The following H2BC4 variants were observed in gnomAD, a reference collection of about 807,000 sequenced individuals.
H2BC4 encodes H2B clustered histone 4.
Under a neutral mutation model 6.2 loss-of-function variants are expected in H2BC4, and 10 were observed. The observed-to-expected ratio is 1.61, with a 90% CI of 0.99 to 2.73. H2BC4 has a LOEUF of 2.73. Ranked by LOEUF, H2BC4 falls within the 30% of genes most tolerant of loss-of-function variation. H2BC4 has a pLI of 0.00. For missense variants in H2BC4, 176 were observed against 168.7 expected (o/e 1.04, Z -0.24); for synonymous variants, 146 against 70.7 (o/e 2.07, Z -5.35).
At chr6:26,118,050 C>T (rs1408562581) in intron 1 of H2BC4, among the ~76,000 whole-genome samples, 1 of 152,210 alleles carries the variant, frequency 6.6e-6, no homozygotes, top group Non-Finnish European at 1.5e-5. Context: ...CGATTTCTGG[C>T]ACCAGAGTTT....
At chr6:26,120,535 C>CA (rs1480862170), downstream of H2BC4, among the ~76,000 whole-genome samples, 1 of 151,354 alleles carries the variant, frequency 6.6e-6, no homozygotes, top group Non-Finnish European at 1.5e-5. Flanking sequence ...TGGGTAAAAA[C>CA]AGAGCCATAG....
chr6:26,123,360 T>C, downstream of H2BC4: 1 of 1,257,122 alleles, frequency 8.0e-7, no homozygotes, highest in Non-Finnish European at 1.1e-6. Flanking sequence ...TTTGTCCCTC[T>C]CTAAGCTGCA....
downstream of H2BC4, among the ~76,000 whole-genome samples, chr6:26,113,492 A>G (rs548268506): frequency 3.9e-5 from 6 of 152,300 alleles, no homozygotes; most frequent in South Asian, 1.0e-3. Flanking sequence ...GTGGCTATCT[A>G]CATGTGGAGT....
downstream of H2BC4, among the ~76,000 whole-genome samples, chr6:26,119,960 CAGTT>C (rs2113796177): frequency 6.6e-6 from 1 of 152,074 alleles, no homozygotes; most frequent in East Asian, 1.9e-4. Context: ...ATGAAACTCA[CAGTT>C]AAACTTTTTT....
chr6:26,118,438 T>G (rs1313336346), intron 1 of H2BC4, among the ~76,000 whole-genome samples: 1 of 152,216 alleles, frequency 6.6e-6, no homozygotes, highest in Non-Finnish European at 1.5e-5. Flanking sequence ...ATATTCTTAT[T>G]TAGGAACTTT....
rs1195538052 is a variant in H2BC4, at chr6:26,116,059, T to TATTTCTC, written c.*10-931_*10-925dup. ...AAAAGTGAAAACAAAAGTTTATTCA[T>TATTTCTC]ATTTCTCTTGAATCCAATTCTTTTA... On this transcript the variant is annotated intron_variant, in intron 1 of 1. Transcript: ENST00000314332. Among the ~76,000 whole-genome samples, 3 of 152,158 alleles carry TATTTCTC rather than the reference T, an allele frequency of 2.0e-5. No individual in the cohort carries two copies. In the East Asian group the frequency reaches 5.8e-4, roughly 29 times the overall value.
At chr6:26,119,032 G>A (rs890120364), downstream of H2BC4, among the ~76,000 whole-genome samples, 4 of 151,840 alleles carry the variant, frequency 2.6e-5, no homozygotes, top group Non-Finnish European at 5.9e-5. Context: ...TTTTAAATAA[G>A]TAAAGGCTCA....
At chr6:26,123,460 G>A (rs1197897020), downstream of H2BC4, 2 of 1,591,124 alleles carry the variant, frequency 1.3e-6, no homozygotes, top group African/African-American at 1.4e-5. Context: ...CTCTTTTAGT[G>A]GGTATCTGGG....
downstream of H2BC4, among the ~76,000 whole-genome samples, chr6:26,122,581 C>T (rs1006487303): frequency 2.6e-5 from 4 of 152,162 alleles, no homozygotes; most frequent in African/African-American, 7.2e-5. Context: ...AGTTTAATGA[C>T]GTCTCCTCTT....
intron 1 of H2BC4, among the ~76,000 whole-genome samples, chr6:26,117,046 A>C (rs1399872043): frequency 6.6e-6 from 1 of 152,190 alleles, no homozygotes. Flanking sequence ...TTTAAGAGAA[A>C]TGATAGTTAT....
At chr6:26,120,241 C>G (rs557159319), downstream of H2BC4, among the ~76,000 whole-genome samples, 1 of 151,996 alleles carries the variant, frequency 6.6e-6, no homozygotes, top group African/African-American at 2.4e-5. Context: ...GGTGGATCAC[C>G]TGAGTTCGAG....
downstream of H2BC4, among the ~76,000 whole-genome samples, chr6:26,122,642 C>T (rs1763517265): frequency 6.6e-6 from 1 of 152,138 alleles, no homozygotes; most frequent in Admixed American, 6.5e-5. Flanking sequence ...GTTCAGTGTT[C>T]GAAGGCTTGT....
chr6:26,119,501 A>G (rs1763470965), downstream of H2BC4, among the ~76,000 whole-genome samples: 1 of 152,168 alleles, frequency 6.6e-6, no homozygotes, highest in Admixed American at 6.5e-5. Flanking sequence ...AAGCTCACAC[A>G]TTGAATCCTT....
At chr6:26,116,679 G>T (rs1447110795) in intron 1 of H2BC4, among the ~76,000 whole-genome samples, 1 of 152,138 alleles carries the variant, frequency 6.6e-6, no homozygotes. Flanking sequence ...CAGCCTGGCA[G>T]CCTGGGCAAC....
rs748922417 is a variant in H2BC4 at position 26,123,683 on chromosome 6, G to A, written c.222C>T (p.Ile74=). Residue 74 remains isoleucine (I), a synonymous_variant, in exon 1 of 1, where the codon ATC becomes ATT. Coordinates refer to ENST00000396984, the MANE Select transcript of H2BC4 (RefSeq NM_003526.3). ...NSFVNDIFER[I]AGEASRLAHY... is the part of the protein sequence containing the mutation. Reference sequence around the variant, plus strand: ...GCGCCAGGCGGGAAGCCTCGCCCGCGATGCGCTCAAATATGTCGTTAACGA... The same window carrying A: ...GCGCCAGGCGGGAAGCCTCGCCCGCAATGCGCTCAAATATGTCGTTAACGA... 5.6e-6 allele frequency: 9 copies of A among 1,614,252 alleles called. No homozygotes were observed. The highest frequency in any genetic ancestry group is 5.5e-5 in the South Asian group (5 of 91,088).
downstream of H2BC4, among the ~76,000 whole-genome samples, chr6:26,119,424 AATTT>A (rs1306648353): frequency 6.6e-6 from 1 of 152,200 alleles, no homozygotes; most frequent in Non-Finnish European, 1.5e-5. Context: ...ATTGAGAATT[AATTT>A]ACTCAATTTA....
chr6:26,117,350 C>T (rs1461524545), intron 1 of H2BC4, among the ~76,000 whole-genome samples: 1 of 152,158 alleles, frequency 6.6e-6, no homozygotes, highest in Non-Finnish European at 1.5e-5. Flanking sequence ...TTAATCTTCA[C>T]ATACTTCTAG....
At chr6:26,120,190 C>T (rs987979082), downstream of H2BC4, among the ~76,000 whole-genome samples, 12 of 152,078 alleles carry the variant, frequency 7.9e-5, no homozygotes, top group African/African-American at 2.2e-4. Flanking sequence ...TTTCTGGGCA[C>T]GGTGGCTCAC....
intron 1 of H2BC4, among the ~76,000 whole-genome samples, chr6:26,118,306 G>A (rs543065909): frequency 5.4e-4 from 81 of 150,360 alleles, no homozygotes; most frequent in African/African-American, 1.9e-3. Flanking sequence ...TAGATGAATA[G>A]GTCTCAAAGA....
Sources: gnomAD v4.1 joint callset for allele counts (sites outside exome capture counted in the v4.1 genomes callset) on GRCh38, gnomAD v4.1.1 for gene constraint, MANE v1.5 for transcripts, NCBI Gene and HGNC (gene_info 2026-07-23, HGNC 2026-07-21) for gene names.